Variants in ROBO2 observed in about 807,000 individuals in gnomAD.
ROBO2 encodes roundabout guidance receptor 2, also known as roundabout homolog 2.
A neutral mutation model predicts 160.8 loss-of-function variants in ROBO2; 53 were observed. That is an observed-to-expected ratio of 0.33 (90% CI 0.26 to 0.41). The LOEUF (loss-of-function observed/expected upper bound fraction) is 0.41. Ranked by LOEUF, ROBO2 falls within the 10% of genes least tolerant of loss-of-function variation. The pLI is 1.00. For missense variants in ROBO2, 1,577 were observed against 1,722.4 expected, an observed-to-expected ratio of 0.92 and a Z score of 1.49; for synonymous variants, 664 against 611.7, an observed-to-expected ratio of 1.09 and a Z score of -1.26.
chr3:76,079,098 A>T (rs1182700641), intron 2 of ROBO2, among the ~76,000 whole-genome samples: 1 of 152,216 alleles, frequency 6.6e-6, no homozygotes, highest in Non-Finnish European at 1.5e-5. Context: ...GGAGCTAAAA[A>T]AATTGATCTT....
intron 2 of ROBO2, among the ~76,000 whole-genome samples, chr3:77,224,840 C>T (rs2086284448): frequency 6.6e-6 from 1 of 151,714 alleles, no homozygotes. Context: ...TGTTATTAGA[C>T]ATTTATTTTT....
At chr3:75,969,349 T>C (rs1329273876) in intron 2 of ROBO2, among the ~76,000 whole-genome samples, 1 of 151,154 alleles carries the variant, frequency 6.6e-6, no homozygotes, top group Non-Finnish European at 1.5e-5. Flanking sequence ...TGTGGAGTCA[T>C]ACACTAGCTC....
chr3:76,993,646 T>A (rs1176961493), intron 2 of ROBO2, among the ~76,000 whole-genome samples: 2 of 152,052 alleles, frequency 1.3e-5, no homozygotes, highest in Non-Finnish European at 2.9e-5. Context: ...ACGGCTCTAC[T>A]CAAACAGGAA....
intron 2 of ROBO2, among the ~76,000 whole-genome samples, chr3:76,929,407 G>A (rs1239048857): frequency 6.6e-6 from 1 of 152,146 alleles, no homozygotes; most frequent in East Asian, 1.9e-4. Flanking sequence ...CTTATGCCCA[G>A]TACCTGTTCT....
chr3:76,043,815 C>A (rs1463546397), intron 2 of ROBO2, among the ~76,000 whole-genome samples: 1 of 151,800 alleles, frequency 6.6e-6, no homozygotes, highest in East Asian at 1.9e-4. Flanking sequence ...AGCAAATGGC[C>A]TCTGGCCTTT....
intron 2 of ROBO2, among the ~76,000 whole-genome samples, chr3:76,055,888 A>T (rs994851405): frequency 6.6e-5 from 10 of 152,088 alleles, no homozygotes; most frequent in African/African-American, 2.4e-4. Flanking sequence ...CCTCCCAAGT[A>T]GCTGGGACTA....
intron 5 of ROBO2, among the ~76,000 whole-genome samples, chr3:77,516,936 G>T (rs559745435): frequency 9.2e-5 from 14 of 151,658 alleles, no homozygotes; most frequent in African/African-American, 2.9e-4. Flanking sequence ...TTTTCAATAA[G>T]CATTCATTGA....
At chr3:76,977,555 T>C (rs1175157401) in intron 2 of ROBO2, among the ~76,000 whole-genome samples, 2 of 152,198 alleles carry the variant, frequency 1.3e-5, no homozygotes, top group African/African-American at 2.4e-5. Flanking sequence ...GTTGAGTATT[T>C]AGAAATTTGA....
At chr3:76,567,672 CAT>C (rs1223931569) in intron 2 of ROBO2, among the ~76,000 whole-genome samples, 1 of 56,716 alleles carries the variant, frequency 1.8e-5, no homozygotes, top group Non-Finnish European at 3.7e-5. Context: ...CATATATATA[CAT>C]ATATATGTAT....
At chr3:77,095,084 C>G (rs929724982) in intron 1 of ROBO2, among the ~76,000 whole-genome samples, 4 of 151,948 alleles carry the variant, frequency 2.6e-5, no homozygotes, top group African/African-American at 9.7e-5. Flanking sequence ...ATCCAAGAAG[C>G]CATCACCTAA....
chr3:77,365,315 G>T (rs926492543), intron 2 of ROBO2, among the ~76,000 whole-genome samples: 3 of 152,216 alleles, frequency 2.0e-5, no homozygotes, highest in African/African-American at 7.2e-5. Flanking sequence ...AGCTGAATTT[G>T]TACATCCTTG....
At chr3:77,192,398 C>T (rs1326158540) in intron 2 of ROBO2, among the ~76,000 whole-genome samples, 1 of 152,058 alleles carries the variant, frequency 6.6e-6, no homozygotes, top group African/African-American at 2.4e-5. Flanking sequence ...ATACATATTT[C>T]TTAGGACCAA....
At chr3:76,361,722 A>G (rs1215474951) in intron 2 of ROBO2, among the ~76,000 whole-genome samples, 1 of 152,134 alleles carries the variant, frequency 6.6e-6, no homozygotes, top group African/African-American at 2.4e-5. Flanking sequence ...CTAAACTAGT[A>G]TCTTCATAAG....
chr3:77,003,404 G>C (rs1190772449), intron 2 of ROBO2, among the ~76,000 whole-genome samples: 1 of 152,160 alleles, frequency 6.6e-6, no homozygotes, highest in Admixed American at 6.5e-5. Context: ...ATATAAACTG[G>C]TTTGAAAAGT....
chr3:77,299,443 C>T (rs1214953271), intron 2 of ROBO2, among the ~76,000 whole-genome samples: 1 of 152,046 alleles, frequency 6.6e-6, no homozygotes, highest in African/African-American at 2.4e-5. Context: ...CACAGTTGAA[C>T]GGGGCTGGAG....
At chr3:76,751,561 T>C (rs915449754) in intron 2 of ROBO2, among the ~76,000 whole-genome samples, 2 of 152,166 alleles carry the variant, frequency 1.3e-5, no homozygotes, top group African/African-American at 2.4e-5. Context: ...AAAGGGCTAA[T>C]ATCCAGAACC....
At chr3:76,878,070 G>T (rs2072949237) in intron 2 of ROBO2, among the ~76,000 whole-genome samples, 1 of 152,120 alleles carries the variant, frequency 6.6e-6, no homozygotes, top group African/African-American at 2.4e-5. Flanking sequence ...TGGCATTAGG[G>T]ATTAGAACTT....
intron 2 of ROBO2, among the ~76,000 whole-genome samples, chr3:76,269,599 AC>A (rs1361919279): frequency 3.3e-5 from 5 of 150,590 alleles, no homozygotes; most frequent in Non-Finnish European, 5.9e-5. Flanking sequence ...AAAAAAAAAA[AC>A]AGAGTAAATG....
rs551802492 is a variant in ROBO2, at chr3:77,146,827, G to T, written c.388+48487G>T. On this transcript the variant is annotated intron_variant, in intron 2 of 25. Transcript: ENST00000461745. Reference sequence around the variant, plus strand: ...ACTAAAAGCATAAAAAATTAGCCGGGTGTGGTGGCACGCGCCTGCAGTCCC... The same window carrying T: ...ACTAAAAGCATAAAAAATTAGCCGGTTGTGGTGGCACGCGCCTGCAGTCCC... Among the ~76,000 whole-genome samples the T allele has an allele frequency of 2.0e-3, 309 of 152,194 alleles. 3 individuals carry two copies. The highest frequency in any genetic ancestry group is 7.2e-3 in the African/African-American group (298 of 41,526).
Sources: gnomAD v4.1 joint callset for allele counts (sites outside exome capture counted in the v4.1 genomes callset) on GRCh38, gnomAD v4.1.1 for gene constraint, MANE v1.5 for transcripts, NCBI Gene and HGNC (gene_info 2026-07-23, HGNC 2026-07-21) for gene names.